The following ITPR2 variants were observed in gnomAD, a reference collection of about 807,000 sequenced individuals.
The protein encoded by ITPR2 is inositol 1,4,5-trisphosphate-gated calcium channel ITPR2.
ITPR2 carries 207 observed loss-of-function variants against 317.1 expected under a neutral mutation model. The ratio of observed to expected loss-of-function variants is 0.65; its 90% CI spans 0.58 to 0.73. The LOEUF is 0.73. Ranked by LOEUF, ITPR2 falls within the 30% of genes least tolerant of loss-of-function variation. The pLI is 0.00. For synonymous variants in ITPR2, 1,156 were observed against 1,149.1 expected (o/e 1.01, Z -0.12); for missense variants, 2,613 against 3,284.0 (o/e 0.80, Z 4.99).
At chr12:26,716,892 T>C (rs1444598134) in intron 5 of ITPR2, among the ~76,000 whole-genome samples, 1 of 152,186 alleles carries the variant, frequency 6.6e-6, no homozygotes, top group Non-Finnish European at 1.5e-5. Flanking sequence ...AAACTAAAAT[T>C]GATTCTTGGA....
At chr12:26,553,822 G>A (rs1008420956) in intron 36 of ITPR2, among the ~76,000 whole-genome samples, 26 of 152,198 alleles carry the variant, frequency 1.7e-4, no homozygotes, top group African/African-American at 5.5e-4. Flanking sequence ...TCATAAAGTT[G>A]GATTTTAATT....
At position 26,767,699 on chromosome 12, in the gene ITPR2, T is replaced by C. The variant is rs1565747851; in HGVS notation, c.163+22458A>G. On this transcript the variant is annotated intron_variant, in intron 2 of 56. Coordinates refer to ENST00000381340, the MANE Select transcript of ITPR2 (RefSeq NM_002223.4). ...TTTCACATGAAGTCTCTTTTCCATT[T>C]CACATTTTGTAATGTCATTAAATAT... is the stretch of plus-strand genomic sequence containing the variant. 3.9e-5 allele frequency among the ~76,000 whole-genome samples: 6 copies of C among 152,248 alleles called. No homozygotes were observed. The South Asian group carries it at 1.2e-3, about 31-fold the overall frequency.
At chr12:26,556,566 T>TGTGTGTGTG (rs1555155169) in intron 35 of ITPR2, among the ~76,000 whole-genome samples, 191 bp from the exon 36 acceptor site, 84 of 136,198 alleles carry the variant, frequency 6.2e-4, no homozygotes, top group Non-Finnish European at 7.8e-4. Context: ...ATTTTTTTTT[T>TGTGTGTGTG]TGTGTGTGTG....
At chr12:26,670,773 A>G (rs1302711918) in intron 13 of ITPR2, among the ~76,000 whole-genome samples, 2 of 152,180 alleles carry the variant, frequency 1.3e-5, no homozygotes, top group Non-Finnish European at 2.9e-5. Flanking sequence ...GGAAATTCAA[A>G]CCAAAGGCAA....
Position 26,602,681 on chromosome 12 carries a change from T to C in ITPR2, c.3488A>G (p.Gln1163Arg), listed in dbSNP as rs759818841. Residue 1163 changes from glutamine (Q) to arginine (R), a missense_variant, in exon 27 of 57, where the codon CAG (glutamine) becomes CGG (arginine). Physicochemically the swap from Gln to Arg is conservative, Grantham distance 43 (BLOSUM62 1). Around this residue, in one of 9 missense-constraint regions of ITPR2, gnomAD observed 817 missense variants for 897.6 expected, o/e 0.91. Transcript: ENST00000381340. The part of the protein sequence containing the change: ...IEESNILSPV[Q>R]DGTKKPQIDS... Reference sequence around the variant, plus strand: ...AATCTGAGGTTTCTTTGTTCCATCCTGCACTGGACTTAAAATGTTTGATTC... The same window carrying C: ...AATCTGAGGTTTCTTTGTTCCATCCCGCACTGGACTTAAAATGTTTGATTC... 4 of 1,603,930 alleles carry C rather than the reference T, an allele frequency of 2.5e-6. No homozygotes were observed. The highest frequency in any genetic ancestry group is 1.3e-5 in the African/African-American group (1 of 74,996).
chr12:26,816,965 G>T (rs1464445370), intron 1 of ITPR2, among the ~76,000 whole-genome samples: 6 of 151,884 alleles, frequency 4.0e-5, no homozygotes, highest in African/African-American at 1.5e-4. Context: ...GGATCACGAG[G>T]TCAGGAGATC....
intron 13 of ITPR2, among the ~76,000 whole-genome samples, chr12:26,673,162 G>A (rs1373962335): frequency 6.6e-6 from 1 of 152,118 alleles, no homozygotes; most frequent in East Asian, 1.9e-4. Flanking sequence ...CCAATCAATA[G>A]AAAAAGAGGG....
chr12:26,794,332 ATAAAG>A (rs530189253), intron 1 of ITPR2, among the ~76,000 whole-genome samples: 174 of 152,358 alleles, frequency 1.1e-3, no homozygotes, highest in African/African-American at 3.1e-3. Context: ...TTTGTCAAAA[ATAAAG>A]TATACTATTA....
At chr12:26,437,531 G>C (rs1416657584) in intron 47 of ITPR2, among the ~76,000 whole-genome samples, 1 of 152,048 alleles carries the variant, frequency 6.6e-6, no homozygotes, top group Non-Finnish European at 1.5e-5. Flanking sequence ...AGACTATTAA[G>C]ACAAAATTAG....
At chr12:26,661,687 C>T (rs954489079) in intron 15 of ITPR2, among the ~76,000 whole-genome samples, 7 of 152,120 alleles carry the variant, frequency 4.6e-5, no homozygotes, top group South Asian at 2.1e-4. Flanking sequence ...ACTGCTCGTA[C>T]GGGTGAAGTG....
intron 30 of ITPR2, among the ~76,000 whole-genome samples, chr12:26,597,621 C>T (rs1209532934): frequency 6.6e-6 from 1 of 151,958 alleles, no homozygotes; most frequent in Non-Finnish European, 1.5e-5. Context: ...AAGAAGGCAT[C>T]AGCAGAGAAT....
intron 55 of ITPR2, among the ~76,000 whole-genome samples, chr12:26,375,545 G>C (rs777458267): frequency 1.3e-5 from 2 of 152,138 alleles, no homozygotes; most frequent in Non-Finnish European, 2.9e-5. Context: ...TTTTTCTCCT[G>C]GTTCTACTTT....
chr12:26,495,268 GAA>G lies in ITPR2; in HGVS notation c.5074-10_5074-9del. The G allele has an allele frequency of 7.0e-7, 1 of 1,423,516 alleles. No homozygotes were observed. The highest frequency in any genetic ancestry group is 9.9e-7 in the Non-Finnish European group (1 of 1,012,462). The allele number at this position is 1,423,516 out of a possible 1,614,324, so 88.2% of individuals were successfully genotyped here. A position where few individuals can be genotyped will look rare whatever the true frequency, so the allele number is the denominator to read the frequency against. On this transcript the variant is annotated splice_polypyrimidine_tract_variant and intron_variant, in intron 37 of 56. Coordinates refer to ENST00000381340, the MANE Select transcript of ITPR2 (RefSeq NM_002223.4). Reference sequence around the variant, plus strand: ...CTTTCTTAATGTGTTACCCTAATAAGAAGGATAACAAAGAGTTACTGTTCCCT... The same window carrying G: ...CTTTCTTAATGTGTTACCCTAATAAGGGATAACAAAGAGTTACTGTTCCCT...
At chr12:26,823,846 C>G (rs1950973761) in intron 1 of ITPR2, among the ~76,000 whole-genome samples, 1 of 152,182 alleles carries the variant, frequency 6.6e-6, no homozygotes, top group African/African-American at 2.4e-5. Flanking sequence ...CACACACACA[C>G]ACAAATCTCC....
intron 32 of ITPR2, among the ~76,000 whole-genome samples, chr12:26,581,038 A>G (rs1263308561): frequency 6.6e-6 from 1 of 152,182 alleles, no homozygotes; most frequent in Non-Finnish European, 1.5e-5. Flanking sequence ...GCAGAGAAAG[A>G]AAGTTTAAAT....
At chr12:26,530,059 T>C (rs1419189427) in intron 37 of ITPR2, among the ~76,000 whole-genome samples, 3 of 152,330 alleles carry the variant, frequency 2.0e-5, no homozygotes, top group African/African-American at 7.2e-5. Flanking sequence ...TGTAGTCCCA[T>C]TAAGAATCTA....
chr12:26,782,037 T>TATATATAGAGAGAGAGAG (rs1950102369), intron 2 of ITPR2, among the ~76,000 whole-genome samples: 2 of 51,736 alleles, frequency 3.9e-5, no homozygotes, highest in African/African-American at 1.1e-4. Flanking sequence ...TATATATGTA[T>TATATATAGAGAGAGAGAG]AGAGAGAGAG....
At chr12:26,669,865 GGGCTTAAAAAAC>G (rs1947713187) in intron 13 of ITPR2, among the ~76,000 whole-genome samples, 1 of 152,236 alleles carries the variant, frequency 6.6e-6, no homozygotes, top group African/African-American at 2.4e-5. Context: ...CTTTTCCGAC[GGGCTTAAAAAAC>G]GGCGCACCAG....
chr12:26,805,035 A>G (rs546045487), intron 1 of ITPR2, among the ~76,000 whole-genome samples: 3 of 152,316 alleles, frequency 2.0e-5, no homozygotes, highest in African/African-American at 7.2e-5. Flanking sequence ...GCACCAGGCC[A>G]GAGATCCCTA....
Sources: allele counts gnomAD v4.1 joint callset (sites outside exome capture counted in the v4.1 genomes callset), GRCh38; gene constraint gnomAD v4.1.1; regional missense constraint gnomAD v4.1.1; transcripts MANE v1.5; gene names NCBI Gene and HGNC (gene_info 2026-07-23, HGNC 2026-07-21).